DAGLA: variants seen among roughly 807,000 people sequenced by gnomAD.
The protein encoded by DAGLA is diacylglycerol lipase alpha.
Under a neutral mutation model 102.6 loss-of-function variants are expected in DAGLA, and 22 were observed. The ratio of observed to expected loss-of-function variants is 0.21; its 90% CI spans 0.15 to 0.31. The LOEUF (loss-of-function observed/expected upper bound fraction) is 0.31. Ranked by LOEUF, DAGLA falls within the 10% of genes least tolerant of loss-of-function variation. The probability of loss-of-function intolerance (pLI) is 1.00; values close to 1 mark genes in which losing one functional copy is unlikely to be tolerated. For missense variants in DAGLA, 927 were observed against 1,446.6 expected (o/e 0.64, Z 5.83); for synonymous variants, 578 against 628.9 (o/e 0.92, Z 1.21).
chr11:61,736,737 G>T (rs2065426206), intron 13 of DAGLA, among the ~76,000 whole-genome samples: 1 of 152,244 alleles, frequency 6.6e-6, no homozygotes, highest in Non-Finnish European at 1.5e-5. Flanking sequence ...ACTGGCCACG[G>T]TCTGTGCAGG....
chr11:61,731,195 G>A, intron 8 of DAGLA, 122 bp from the exon 9 acceptor site: 1 of 1,232,166 alleles, frequency 8.1e-7, no homozygotes. Flanking sequence ...CTCAACAGGG[G>A]ACCAGCAACC....
chr11:61,737,276 A>G lies in DAGLA; in HGVS notation c.1466A>G (p.Tyr489Cys). Reference sequence around the variant, plus strand: ...CTCTCCTTCCTTCTGCGCCCACAGTATCCGACCCTCAAGTGCTTTGCCTAC... The same window carrying G: ...CTCTCCTTCCTTCTGCGCCCACAGTGTCCGACCCTCAAGTGCTTTGCCTAC... ...AILSFLLRPQ[Y>C]PTLKCFAYSP... Residue 489 changes from tyrosine to cysteine, a missense_variant, in exon 14 of 20, where the codon TAT (tyrosine) becomes TGT (cysteine). Coordinates refer to ENST00000257215, the MANE Select transcript of DAGLA (RefSeq NM_006133.3). The G allele has an allele frequency of 6.2e-7, 1 of 1,612,856 alleles. No individual in the cohort carries two copies. The highest frequency in any genetic ancestry group is 2.2e-5 in the East Asian group (1 of 44,882).
intron 9 of DAGLA, among the ~76,000 whole-genome samples, chr11:61,733,927 G>C (rs568004597): frequency 1.2e-5 from 1 of 83,148 alleles, no homozygotes; most frequent in South Asian, 3.9e-4. Flanking sequence ...CGTTTGAACA[G>C]AGGCCCAGAG....
At chr11:61,735,982 G>A (rs551908878) in intron 12 of DAGLA, among the ~76,000 whole-genome samples, 166 bp downstream of exon 12, 10 of 152,224 alleles carry the variant, frequency 6.6e-5, no homozygotes, top group Non-Finnish European at 1.3e-4. Flanking sequence ...CCACTGCTGC[G>A]ACCCCACTGC....
intron 1 of DAGLA, among the ~76,000 whole-genome samples, chr11:61,718,338 A>T (rs192742318): frequency 2.6e-5 from 4 of 152,122 alleles, no homozygotes; most frequent in Admixed American, 2.6e-4. Flanking sequence ...CATTCATGTG[A>T]GGGGCTCCTG....
At chr11:61,739,338 C>G (rs1055858643) in intron 16 of DAGLA, 127 bp from the exon 17 acceptor site, 2 of 945,416 alleles carry the variant, frequency 2.1e-6, no homozygotes, top group Non-Finnish European at 3.2e-6. Context: ...CTGCCCTTCC[C>G]CTGCCCCTTT....
intron 1 of DAGLA, among the ~76,000 whole-genome samples, chr11:61,694,129 G>A (rs2135553816): frequency 6.6e-6 from 1 of 152,398 alleles, no homozygotes; most frequent in South Asian, 2.1e-4. Flanking sequence ...TGGCACGTCA[G>A]CATTCCTCTA....
chr11:61,720,860 T>C lies in DAGLA; in HGVS notation c.277T>C (p.Ser93Pro). 1 of 1,613,418 alleles carries C rather than the reference T, an allele frequency of 6.2e-7. No homozygotes were observed. The highest frequency in any genetic ancestry group is 8.5e-7 in the Non-Finnish European group (1 of 1,180,038). The stretch of plus-strand genomic sequence containing the variant: ...CATCCTCTACACGGAGCCCCGTGAC[T>C]CCATGCAGTACGTGCTCTACGTGCG... Reference protein sequence around the residue: ...GGILYTEPRDSMQYVLYVRLA... With the variant: ...GGILYTEPRDPMQYVLYVRLA... The change falls in exon 3 of 20, where the codon TCC becomes CCC. Residue 93 changes from serine (S) to proline (P), a missense_variant. Ser to Pro is a moderately conservative substitution (Grantham distance 74). This residue lies in a region of DAGLA where 231 missense variants were observed against 439.8 expected (regional missense o/e 0.53). Coordinates refer to ENST00000257215, the MANE Select transcript of DAGLA (RefSeq NM_006133.3).
In DAGLA at chr11:61,734,132, G is replaced by A. The variant is rs1175883877; in HGVS notation, c.975-717G>A. 6.6e-6 allele frequency among the ~76,000 whole-genome samples: 1 copy of A among 152,114 alleles called. No individual in the cohort carries two copies. The highest frequency in any genetic ancestry group is 2.4e-5 in the African/African-American group (1 of 41,418). ...AGGGGCAAGTGCAAGGAGGCCAGTC[G>A]AGGCCACCATGACAGTCCCAGGCAG... On this transcript the variant is annotated intron_variant, in intron 9 of 19. Coordinates refer to ENST00000257215, the MANE Select transcript of DAGLA (RefSeq NM_006133.3). This position sits in a 1 kb window ranked among gnomAD's most constrained non-coding sequence, Gnocchi z 4.2.
chr11:61,727,444 G>A (rs892855445), intron 6 of DAGLA, among the ~76,000 whole-genome samples: 1 of 152,222 alleles, frequency 6.6e-6, no homozygotes, highest in Non-Finnish European at 1.5e-5. Context: ...CCACCTCAGC[G>A]TCTCCTAACA....
At chr11:61,718,809 G>T (rs953840352) in intron 1 of DAGLA, among the ~76,000 whole-genome samples, 13 of 152,240 alleles carry the variant, frequency 8.5e-5, no homozygotes, top group Admixed American at 1.3e-4. Flanking sequence ...CCGGGGATAG[G>T]GAGGCGGGCC....
intron 1 of DAGLA, among the ~76,000 whole-genome samples, chr11:61,712,481 C>T (rs1246920388): frequency 6.6e-6 from 1 of 152,178 alleles, no homozygotes; most frequent in African/African-American, 2.4e-5. Flanking sequence ...CACTCCTGCC[C>T]CTGGCTGCAC....
intron 16 of DAGLA, among the ~76,000 whole-genome samples, 163 bp downstream of exon 16, chr11:61,738,370 C>T (rs2065444308): frequency 2.6e-5 from 4 of 152,194 alleles, no homozygotes; most frequent in African/African-American, 9.7e-5. Flanking sequence ...CCCTCAGCAT[C>T]CCCAAGCTCA....
chr11:61,720,352 A>C, intron 2 of DAGLA, 102 bp downstream of exon 2: 1 of 1,181,358 alleles, frequency 8.5e-7, no homozygotes, highest in Non-Finnish European at 1.2e-6. Flanking sequence ...CCAAGTCCCA[A>C]CCCTGTCATG....
chr11:61,698,917 C>A (rs2065088029), intron 1 of DAGLA, among the ~76,000 whole-genome samples: 1 of 152,150 alleles, frequency 6.6e-6, no homozygotes, highest in African/African-American at 2.4e-5. Flanking sequence ...TGAGGAGTTC[C>A]CAGGGGAGCA....
rs111638579 is a variant in DAGLA, at chr11:61,736,156, G to A, written c.1291-114G>A. On this transcript the variant is annotated intron_variant, in intron 12 of 19. Coordinates refer to ENST00000257215, the MANE Select transcript of DAGLA (RefSeq NM_006133.3). ...CCAGCCCCCACAGCTGGGTTGTCAC[G>A]AGGCCCAAAGGGAAAAATGGATGGG... The A allele has an allele frequency of 5.0e-5, 43 of 855,972 alleles. 1 individual carries two copies. In the African/African-American group the frequency reaches 5.8e-4, roughly 12 times the overall value. The allele number at this position is 855,972 out of a possible 1,614,324, so 53.0% of individuals were successfully genotyped here. A position where few individuals can be genotyped will look rare whatever the true frequency, so the allele number is the denominator to read the frequency against.
chr11:61,725,934 G>C (rs2135588001), intron 5 of DAGLA, 61 bp from the exon 6 acceptor site: 3 of 1,478,420 alleles, frequency 2.0e-6, no homozygotes, highest in Middle Eastern at 3.5e-4. Context: ...ATAACGTCTG[G>C]GTCCCAGCTC....
intron 5 of DAGLA, among the ~76,000 whole-genome samples, chr11:61,723,859 AGTT>A (rs2065304512): frequency 6.6e-6 from 1 of 152,256 alleles, no homozygotes; most frequent in African/African-American, 2.4e-5. Flanking sequence ...GGTTAATAGT[AGTT>A]GTTGTCATCA....
chr11:61,705,418 T>C (rs2065141035), intron 1 of DAGLA, among the ~76,000 whole-genome samples: 1 of 152,154 alleles, frequency 6.6e-6, no homozygotes, highest in Non-Finnish European at 1.5e-5. Flanking sequence ...GGCCTGACTC[T>C]GGCCTTTTCT....
Sources: gnomAD v4.1 joint callset for allele counts (sites outside exome capture counted in the v4.1 genomes callset) on GRCh38, gnomAD v4.1.1 for gene constraint, gnomAD v4.1.1 regional missense constraint, Gnocchi (gnomAD v3.1) non-coding constraint, MANE v1.5 for transcripts, NCBI Gene and HGNC (gene_info 2026-07-23, HGNC 2026-07-21) for gene names.